Variants in GRM8 observed in about 807,000 individuals in gnomAD.
The protein encoded by GRM8 is metabotropic glutamate receptor 8.
Under a neutral mutation model 87.2 loss-of-function variants are expected in GRM8, and 47 were observed. The ratio of observed to expected loss-of-function variants is 0.54; its 90% CI spans 0.43 to 0.69. GRM8 has a LOEUF of 0.69. GRM8 is among the 30% of genes least tolerant of loss of function. The probability of loss-of-function intolerance (pLI) is 0.00; values close to 1 mark genes in which losing one functional copy is unlikely to be tolerated. For synonymous variants in GRM8, 396 were observed against 404.5 expected (o/e 0.98, Z 0.25); for missense variants, 1,019 against 1,139.2 (o/e 0.89, Z 1.52).
chr7:126,803,682 G>A (rs756577152), intron 6 of GRM8, among the ~76,000 whole-genome samples: 8 of 152,144 alleles, frequency 5.3e-5, no homozygotes, highest in Non-Finnish European at 1.2e-4. Context: ...AGTAAACAAA[G>A]TCCTTAATTA....
chr7:126,794,136 T>C (rs1821683981), intron 6 of GRM8, among the ~76,000 whole-genome samples: 1 of 152,118 alleles, frequency 6.6e-6, no homozygotes. Flanking sequence ...CAGAATGTCT[T>C]TGCTCTATTA....
intron 2 of GRM8, among the ~76,000 whole-genome samples, chr7:127,175,626 T>A (rs1794059929): frequency 6.6e-6 from 1 of 152,084 alleles, no homozygotes; most frequent in African/African-American, 2.4e-5. Flanking sequence ...AAAAACAAGT[T>A]TAAGAATTAC....
intron 9 of GRM8, among the ~76,000 whole-genome samples, chr7:126,527,743 TA>T (rs1814086090): frequency 6.6e-6 from 1 of 152,148 alleles, no homozygotes; most frequent in Non-Finnish European, 1.5e-5. Context: ...TCTCTGATGA[TA>T]TTTTTTTTCT....
chr7:126,491,619 A>T (rs192416301), intron 9 of GRM8, among the ~76,000 whole-genome samples: 8 of 152,192 alleles, frequency 5.3e-5, no homozygotes, highest in East Asian at 1.9e-4. Context: ...AACAAAGACC[A>T]TGTGAATTCT....
intron 2 of GRM8, among the ~76,000 whole-genome samples, chr7:127,216,163 TA>T (rs1352455697): frequency 2.0e-5 from 3 of 152,126 alleles, no homozygotes; most frequent in Admixed American, 2.0e-4. Flanking sequence ...CTAGAATGCC[TA>T]AAAATTTTCT....
intron 7 of GRM8, among the ~76,000 whole-genome samples, chr7:126,629,269 G>C (rs3802001): frequency 6.6e-6 from 1 of 151,852 alleles, no homozygotes; most frequent in African/African-American, 2.4e-5. Flanking sequence ...TGTTATTTCC[G>C]GTTTATAAAC....
intron 9 of GRM8, among the ~76,000 whole-genome samples, chr7:126,476,294 G>A (rs1172887808): frequency 6.6e-6 from 1 of 152,084 alleles, no homozygotes; most frequent in African/African-American, 2.4e-5. Context: ...AGTGGCATAT[G>A]CCTGTAGTTC....
chr7:126,467,644 T>G (rs2150542732), intron 9 of GRM8, among the ~76,000 whole-genome samples: 1 of 152,200 alleles, frequency 6.6e-6, no homozygotes, highest in Admixed American at 6.6e-5. Flanking sequence ...ATACTCTTAA[T>G]AATGCATTAC....
intron 6 of GRM8, among the ~76,000 whole-genome samples, chr7:126,889,038 G>A (rs959822517): frequency 1.3e-5 from 2 of 152,090 alleles, no homozygotes; most frequent in African/African-American, 4.8e-5. Context: ...TCGGCCCACC[G>A]TTGGGGTGTA....
chr7:127,224,428 C>G (rs1290066968), intron 2 of GRM8, among the ~76,000 whole-genome samples: 1 of 152,184 alleles, frequency 6.6e-6, no homozygotes. Flanking sequence ...AAAGAACTAT[C>G]AATCCAAAAT....
At chr7:126,944,526 A>G (rs547438889) in intron 3 of GRM8, among the ~76,000 whole-genome samples, 28 of 152,216 alleles carry the variant, frequency 1.8e-4, no homozygotes, top group Non-Finnish European at 2.9e-4. Flanking sequence ...CTGTAAATAT[A>G]TAAATTATTA....
At chr7:127,116,327 ACTT>A (rs1379891982) in intron 2 of GRM8, among the ~76,000 whole-genome samples, 1 of 152,176 alleles carries the variant, frequency 6.6e-6, no homozygotes, top group Non-Finnish European at 1.5e-5. Flanking sequence ...CAATACATAC[ACTT>A]CTTCTAATAG....
chr7:127,070,590 T>C (rs896043854), intron 3 of GRM8, among the ~76,000 whole-genome samples: 20 of 152,252 alleles, frequency 1.3e-4, no homozygotes, highest in South Asian at 1.2e-3. Context: ...CAGAAGCTCA[T>C]TGAAAACAAT....
intron 3 of GRM8, among the ~76,000 whole-genome samples, chr7:126,995,666 G>A (rs1034455480): frequency 6.6e-6 from 1 of 151,886 alleles, no homozygotes; most frequent in African/African-American, 2.4e-5. Flanking sequence ...TACTGTCAAA[G>A]GAGACAAAAT....
In GRM8 at chr7:126,500,673, C is replaced by T. The variant is rs1281305371; in HGVS notation, c.2430+32279G>A. 6.6e-5 allele frequency among the ~76,000 whole-genome samples: 10 copies of T among 152,128 alleles called. No homozygotes were observed. The South Asian group carries it at 2.1e-3, about 32-fold the overall frequency. On this transcript the variant is annotated intron_variant, in intron 9 of 10. Transcript: ENST00000339582. ...CAGTAAGTTTAATATGTAAAAAATA[C>T]TCAGCACGGTGTTTGGCATGTAGTA...
At chr7:126,856,537 G>A (rs979510904) in intron 6 of GRM8, among the ~76,000 whole-genome samples, 1 of 152,074 alleles carries the variant, frequency 6.6e-6, no homozygotes, top group African/African-American at 2.4e-5. Flanking sequence ...CTGTTACATC[G>A]TGATATCTTC....
chr7:127,065,226 C>A (rs567483822), intron 3 of GRM8, among the ~76,000 whole-genome samples: 2 of 152,232 alleles, frequency 1.3e-5, no homozygotes, highest in South Asian at 4.1e-4. Flanking sequence ...CGGGAACATG[C>A]AATAGCTGGA....
At chr7:127,042,620 G>A (rs1198728246) in intron 3 of GRM8, among the ~76,000 whole-genome samples, 2 of 152,106 alleles carry the variant, frequency 1.3e-5, no homozygotes, top group Non-Finnish European at 1.5e-5. Flanking sequence ...ATTCAAGATG[G>A]ATAAAAGACT....
intron 9 of GRM8, among the ~76,000 whole-genome samples, chr7:126,525,995 G>A (rs1350186578): frequency 6.6e-6 from 1 of 152,042 alleles, no homozygotes; most frequent in African/African-American, 2.4e-5. Flanking sequence ...CACACTTTAA[G>A]GTAGGTGGTA....
Sources: gnomAD v4.1 joint callset for allele counts (sites outside exome capture counted in the v4.1 genomes callset) on GRCh38, gnomAD v4.1.1 for gene constraint, MANE v1.5 for transcripts, NCBI Gene and HGNC (gene_info 2026-07-23, HGNC 2026-07-21) for gene names.